CHN1: variants seen among roughly 807,000 people sequenced by gnomAD.
The protein encoded by CHN1 is chimerin 1, also known as N-chimaerin.
A neutral mutation model predicts 59.5 loss-of-function variants in CHN1; 37 were observed. The ratio of observed to expected loss-of-function variants is 0.62; its 90% CI spans 0.48 to 0.82. CHN1 has a LOEUF of 0.82. Among genes scored for constraint, CHN1 ranks in the 40% least tolerant of loss-of-function variants. CHN1 has a pLI of 0.00. For missense variants in CHN1, 469 were observed against 571.0 expected (o/e 0.82, Z 1.82); for synonymous variants, 206 against 200.4 (o/e 1.03, Z -0.24).
At chr2:174,941,661 C>A (rs114817671) in intron 3 of CHN1, among the ~76,000 whole-genome samples, 1 of 152,160 alleles carries the variant, frequency 6.6e-6, no homozygotes, top group Admixed American at 6.6e-5. Flanking sequence ...GTTTGATCAT[C>A]TACTCCTTAT....
intron 3 of CHN1, among the ~76,000 whole-genome samples, chr2:174,930,439 C>T (rs572818576): frequency 1.1e-4 from 16 of 152,164 alleles, no homozygotes; most frequent in South Asian, 2.1e-4. Context: ...AGGGTGTTAC[C>T]GGTGGGCTTA....
intron 1 of CHN1, among the ~76,000 whole-genome samples, chr2:174,966,284 T>C (rs1257678476): frequency 6.6e-6 from 1 of 152,078 alleles, no homozygotes; most frequent in African/African-American, 2.4e-5. Context: ...CAAAAGACAA[T>C]TATTTTTAAT....
intron 8 of CHN1, among the ~76,000 whole-genome samples, chr2:174,823,200 C>T (rs936099710): frequency 1.3e-5 from 2 of 152,112 alleles, no homozygotes; most frequent in Admixed American, 6.5e-5. Context: ...ACTATAGTTA[C>T]CATTTTGAAA....
chr2:174,885,025 T>G (rs35826303), intron 5 of CHN1, among the ~76,000 whole-genome samples: 1 of 151,722 alleles, frequency 6.6e-6, no homozygotes, highest in African/African-American at 2.4e-5. Flanking sequence ...CGGTGGCTCA[T>G]GCCTGTAATC....
chr2:174,799,470 CAAT>C lies in CHN1; in HGVS notation c.*643_*645del, dbSNP rs1238342664. 1 of 473,246 alleles carries C rather than the reference CAAT, an allele frequency of 2.1e-6. No individual in the cohort carries two copies. Among genetic ancestry groups the C allele is most frequent in the Admixed American group, 2.6e-5 (1 of 38,078 alleles). The allele number at this position is 473,246 out of a possible 1,614,324, so 29.3% of individuals were successfully genotyped here. A position where few individuals can be genotyped will look rare whatever the true frequency, so the allele number is the denominator to read the frequency against. On this transcript the variant is annotated 3_prime_UTR_variant, in exon 13 of 13. Coordinates refer to ENST00000409900, the MANE Select transcript of CHN1 (RefSeq NM_001822.7). Reference sequence around the variant, plus strand: ...AAAATACCAAATTACAACTGAAAACCAATAATAATTTAACAGAAAATGCTGTGT... The same window carrying C: ...AAAATACCAAATTACAACTGAAAACCAATAATTTAACAGAAAATGCTGTGT...
chr2:174,958,624 A>G (rs1212282749), intron 1 of CHN1, among the ~76,000 whole-genome samples: 1 of 152,188 alleles, frequency 6.6e-6, no homozygotes, highest in African/African-American at 2.4e-5. Context: ...AGGGAACATC[A>G]ACCTTTACTT....
chr2:174,892,006 A>C (rs1174225936), intron 5 of CHN1, among the ~76,000 whole-genome samples: 1 of 152,210 alleles, frequency 6.6e-6, no homozygotes, highest in African/African-American at 2.4e-5. Context: ...CCTAAAAATG[A>C]ATTAATTCAC....
intron 11 of CHN1, among the ~76,000 whole-genome samples, chr2:174,804,631 T>G (rs1684830182): frequency 6.6e-6 from 1 of 152,162 alleles, no homozygotes; most frequent in Non-Finnish European, 1.5e-5. Context: ...GGGTATATTT[T>G]GAAGGTTGAG....
chr2:174,920,671 T>C (rs1415511366), intron 3 of CHN1, among the ~76,000 whole-genome samples: 3 of 152,144 alleles, frequency 2.0e-5, no homozygotes, highest in Non-Finnish European at 4.4e-5. Flanking sequence ...AGAAAAACTT[T>C]TGTGCTTCAA....
chr2:174,809,624 A>C (rs550080066), intron 10 of CHN1, among the ~76,000 whole-genome samples: 1 of 152,354 alleles, frequency 6.6e-6, no homozygotes, highest in South Asian at 2.1e-4. Flanking sequence ...CAAATACACA[A>C]ATATATTCTT....
At chr2:174,847,195 T>A in intron 6 of CHN1, 1 of 1,490,838 alleles carries the variant, frequency 6.7e-7, no homozygotes, top group Non-Finnish European at 8.9e-7. Context: ...TCTATTCAGC[T>A]AACACATGAG....
intron 5 of CHN1, among the ~76,000 whole-genome samples, chr2:174,880,342 T>C (rs964869344): frequency 3.3e-5 from 5 of 152,236 alleles, no homozygotes; most frequent in Non-Finnish European, 7.3e-5. Flanking sequence ...CAAGCTTTCC[T>C]GGCCTACTCT....
At chr2:174,923,100 ACATT>A (rs1471779255) in intron 3 of CHN1, among the ~76,000 whole-genome samples, 1 of 152,146 alleles carries the variant, frequency 6.6e-6, no homozygotes, top group Non-Finnish European at 1.5e-5. Context: ...ATGTATTCGT[ACATT>A]AATTATATAC....
intron 1 of CHN1, among the ~76,000 whole-genome samples, chr2:174,991,293 C>T (rs899181795): frequency 6.6e-6 from 1 of 152,192 alleles, no homozygotes; most frequent in African/African-American, 2.4e-5. Context: ...GAGAGAACAG[C>T]TCTCAGAGCA....
chr2:174,921,379 T>C (rs1395175928), intron 3 of CHN1, among the ~76,000 whole-genome samples: 1 of 152,230 alleles, frequency 6.6e-6, no homozygotes, highest in African/African-American at 2.4e-5. Flanking sequence ...TTTGTCTCCA[T>C]GTGCAATTCA....
At chr2:174,944,646 A>G (rs924602866) in intron 3 of CHN1, among the ~76,000 whole-genome samples, 5 of 152,240 alleles carry the variant, frequency 3.3e-5, no homozygotes, top group Non-Finnish European at 5.9e-5. Flanking sequence ...ACTGAAAAGA[A>G]TACGAACAAC....
At chr2:174,945,876 T>C (rs893902762) in intron 2 of CHN1, among the ~76,000 whole-genome samples, 1 of 151,972 alleles carries the variant, frequency 6.6e-6, no homozygotes, top group African/African-American at 2.4e-5. Context: ...ATAGAATAAA[T>C]ACAATTAGAC....
At chr2:174,900,545 C>T (rs1383818252) in intron 5 of CHN1, among the ~76,000 whole-genome samples, 1 of 152,178 alleles carries the variant, frequency 6.6e-6, no homozygotes, top group Non-Finnish European at 1.5e-5. Context: ...GTGGCTCACG[C>T]CTGTAATCCC....
intron 1 of CHN1, among the ~76,000 whole-genome samples, chr2:175,003,047 A>G (rs753819812): frequency 6.6e-5 from 10 of 152,354 alleles, no homozygotes; most frequent in South Asian, 2.1e-4. Flanking sequence ...AGAATCACAA[A>G]GGGAGTCACT....
Sources: allele counts gnomAD v4.1 joint callset (sites outside exome capture counted in the v4.1 genomes callset), GRCh38; gene constraint gnomAD v4.1.1; transcripts MANE v1.5; gene names NCBI Gene and HGNC (gene_info 2026-07-23, HGNC 2026-07-21).